Variants in TGFB2 observed in about 807,000 individuals in gnomAD.
TGFB2 encodes transforming growth factor beta 2.
A neutral mutation model predicts 42.7 loss-of-function variants in TGFB2; 13 were observed. The ratio of observed to expected loss-of-function variants is 0.30; its 90% CI spans 0.20 to 0.48. The LOEUF (loss-of-function observed/expected upper bound fraction) is 0.48, where lower values mean the gene tolerates loss of function less well. Among genes scored for constraint, TGFB2 ranks in the 20% least tolerant of loss-of-function variants. TGFB2 has a pLI of 0.99. For missense variants in TGFB2, 390 were observed against 517.5 expected (o/e 0.75, Z 2.39); for synonymous variants, 193 against 193.6 (o/e 1.00, Z 0.03).
rs1553302931 is a variant in TGFB2, at chr1:218,434,117, G to A, written c.546G>A (p.Gln182=). ...LKSKDLTSPT[Q]RYIDSKVVKT... ...CCAAAGATTTAACATCTCCAACCCA[G>A]CGCTACATCGACAGCAAAGTTGTGA... is the stretch of plus-strand genomic sequence containing the variant. Residue 182 remains glutamine (Q), a synonymous_variant, in exon 3 of 7, where the codon CAG becomes CAA. Transcript: ENST00000366930. 6.2e-7 allele frequency: 1 copy of A among 1,614,158 alleles called. No individual in the cohort carries two copies. The highest frequency in any genetic ancestry group is 1.3e-5 in the African/African-American group (1 of 75,044).
chr1:218,436,261 G>A lies in TGFB2; in HGVS notation c.932+114G>A, dbSNP rs1041531774. On this transcript the variant is annotated intron_variant, in intron 5 of 6. Coordinates refer to ENST00000366930, the MANE Select transcript of TGFB2 (RefSeq NM_003238.6). ...TGGAACTCACTGCTAAGGCCAGATAGAGTGCAGTACAGCTCCTGTGTCTCA... is the reference window on the plus strand; with the variant it reads ...TGGAACTCACTGCTAAGGCCAGATAAAGTGCAGTACAGCTCCTGTGTCTCA... 5.7e-6 allele frequency: 6 copies of A among 1,052,016 alleles called. No individual in the cohort carries two copies. In the African/African-American group the frequency reaches 8.0e-5, roughly 14 times the overall value. 65.2% of individuals were successfully genotyped at this position (1,052,016 alleles called of 1,614,324 possible). A position where few individuals can be genotyped will look rare whatever the true frequency, so the allele number is the denominator to read the frequency against.
chr1:218,431,438 T>A (rs1450993692), intron 2 of TGFB2, among the ~76,000 whole-genome samples: 1 of 152,230 alleles, frequency 6.6e-6, no homozygotes, highest in East Asian at 1.9e-4. Context: ...TTGGTCGATA[T>A]GGCCATAATT....
At chr1:218,439,950 A>C (rs531894023) in intron 6 of TGFB2, among the ~76,000 whole-genome samples, 1 of 152,348 alleles carries the variant, frequency 6.6e-6, no homozygotes, top group African/African-American at 2.4e-5. Flanking sequence ...GGCTGAAAAA[A>C]TTGCAGTGAA....
At chr1:218,425,187 G>A (rs187493444) in intron 2 of TGFB2, among the ~76,000 whole-genome samples, 18 of 152,112 alleles carry the variant, frequency 1.2e-4, no homozygotes, top group Admixed American at 3.9e-4. Context: ...TCAGGCTTCC[G>A]TTTTTTGTTT....
At chr1:218,394,073 AT>A (rs949807857) in intron 1 of TGFB2, among the ~76,000 whole-genome samples, 3 of 151,070 alleles carry the variant, frequency 2.0e-5, no homozygotes, top group South Asian at 4.2e-4. Flanking sequence ...TGCCTGGCTA[AT>A]TTTTTTTTGT....
Position 218,392,676 on chromosome 1 carries a change from C to A in TGFB2, c.347-12493C>A, listed in dbSNP as rs908056529. Among the ~76,000 whole-genome samples, 6 of 152,224 alleles carry A rather than the reference C, an allele frequency of 3.9e-5. No homozygotes were observed. The South Asian group carries it at 1.2e-3, about 32-fold the overall frequency. ...GAGAGAGCACCTAGTAGGTGCCAGGCAACCCCTTTGTGTGCTATCATTTCT... is the reference window on the plus strand; with the variant it reads ...GAGAGAGCACCTAGTAGGTGCCAGGAAACCCCTTTGTGTGCTATCATTTCT... On this transcript the variant is annotated intron_variant, in intron 1 of 6. Coordinates refer to ENST00000366930, the MANE Select transcript of TGFB2 (RefSeq NM_003238.6).
At chr1:218,432,897 A>G (rs2102625068) in intron 2 of TGFB2, among the ~76,000 whole-genome samples, 1 of 152,300 alleles carries the variant, frequency 6.6e-6, no homozygotes, top group Non-Finnish European at 1.5e-5. Flanking sequence ...GTAGGGATTT[A>G]CTATAGTAGA....
chr1:218,383,972 C>T lies in TGFB2; in HGVS notation c.347-21197C>T, dbSNP rs530414421. 7.2e-5 allele frequency among the ~76,000 whole-genome samples: 11 copies of T among 152,318 alleles called. No individual in the cohort carries two copies. In the South Asian group the frequency reaches 2.3e-3, roughly 32 times the overall value. On this transcript the variant is annotated intron_variant, in intron 1 of 6. Transcript: ENST00000366930. ...CTCCCTTTCCTTCCTTTCCACGTCA[C>T]AGAGTTTGTCATTTATGACGATTTT...
At chr1:218,399,430 A>G (rs1276068630) in intron 1 of TGFB2, among the ~76,000 whole-genome samples, 5 of 152,248 alleles carry the variant, frequency 3.3e-5, no homozygotes, top group Non-Finnish European at 5.9e-5. Context: ...AAAAATTAGT[A>G]CATATAAAAA....
intron 1 of TGFB2, among the ~76,000 whole-genome samples, chr1:218,353,405 G>A (rs1656930043): frequency 6.6e-6 from 1 of 152,166 alleles, no homozygotes; most frequent in South Asian, 2.1e-4. Context: ...TGAGAGTTTA[G>A]GCAATTAGAT....
chr1:218,384,860 C>T (rs910758543), intron 1 of TGFB2, among the ~76,000 whole-genome samples: 2 of 152,136 alleles, frequency 1.3e-5, no homozygotes, highest in South Asian at 2.1e-4. Context: ...CAGTGAAGCC[C>T]GATTGTCTCT....
chr1:218,383,930 C>T (rs894068969), intron 1 of TGFB2, among the ~76,000 whole-genome samples: 2 of 152,232 alleles, frequency 1.3e-5, no homozygotes, highest in African/African-American at 4.8e-5. Flanking sequence ...TGAAACAACA[C>T]AAGAATGCTT....
chr1:218,364,861 C>T (rs1657336507), intron 1 of TGFB2, among the ~76,000 whole-genome samples: 4 of 152,112 alleles, frequency 2.6e-5, no homozygotes. Flanking sequence ...TTAAAGCTCC[C>T]GTTTGTGAGT....
intron 1 of TGFB2, among the ~76,000 whole-genome samples, chr1:218,355,662 A>T (rs889841691): frequency 6.6e-6 from 1 of 152,158 alleles, no homozygotes; most frequent in Non-Finnish European, 1.5e-5. Context: ...TCGACTTTCT[A>T]GGGGTTGTAA....
intron 2 of TGFB2, among the ~76,000 whole-genome samples, chr1:218,426,467 G>A (rs1659628584): frequency 1.3e-5 from 2 of 152,202 alleles, no homozygotes; most frequent in Non-Finnish European, 1.5e-5. Context: ...AGAAATGAAT[G>A]GATGCTTTTG....
At chr1:218,429,632 T>C (rs1659739635) in intron 2 of TGFB2, among the ~76,000 whole-genome samples, 3 of 152,228 alleles carry the variant, frequency 2.0e-5, no homozygotes, top group Non-Finnish European at 4.4e-5. Context: ...TTCTGGATCA[T>C]GGGGTAATTC....
At chr1:218,352,242 G>A (rs903639510) in intron 1 of TGFB2, among the ~76,000 whole-genome samples, 2 of 151,172 alleles carry the variant, frequency 1.3e-5, no homozygotes, top group Admixed American at 1.3e-4. Context: ...TAGCATTTCC[G>A]GTACTGATGG....
At chr1:218,371,249 C>T (rs1042611462) in intron 1 of TGFB2, among the ~76,000 whole-genome samples, 2 of 151,992 alleles carry the variant, frequency 1.3e-5, no homozygotes, top group Admixed American at 6.5e-5. Flanking sequence ...TGCAGTGAGC[C>T]GAGATCGCAC....
intron 1 of TGFB2, among the ~76,000 whole-genome samples, chr1:218,361,320 G>A (rs970741299): frequency 3.3e-5 from 5 of 152,212 alleles, no homozygotes; most frequent in African/African-American, 1.2e-4. Flanking sequence ...AGAAAGGAAA[G>A]AAAAGAAGGG....
Sources: gnomAD v4.1 joint callset for allele counts (sites outside exome capture counted in the v4.1 genomes callset) on GRCh38, gnomAD v4.1.1 for gene constraint, MANE v1.5 for transcripts, NCBI Gene and HGNC (gene_info 2026-07-23, HGNC 2026-07-21) for gene names.